Variants in PRTG observed in about 807,000 individuals in gnomAD.
The protein encoded by PRTG is immunoglobulin superfamily, DCC subclass, member 5.
In PRTG, 67 loss-of-function variants were observed where a neutral mutation model predicts 122.5. The observed-to-expected ratio is 0.55, with a 90% confidence interval of 0.45 to 0.67. The LOEUF is 0.67. Ranked by LOEUF, PRTG falls within the 30% of genes least tolerant of loss-of-function variation. The probability of loss-of-function intolerance (pLI) is 0.00; values close to 1 mark genes in which losing one functional copy is unlikely to be tolerated. For missense variants in PRTG, 1,435 were observed against 1,415.4 expected (o/e 1.01, Z -0.22); for synonymous variants, 554 against 501.1 (o/e 1.11, Z -1.41).
rs2031675026 is a variant in PRTG at position 55,743,108 on chromosome 15, G to A, written c.-177C>T. On this transcript the variant is annotated 5_prime_UTR_variant, in exon 1 of 20. Transcript: ENST00000389286. ...CGGCGAGGCTGGTGCTCGGACGGCCGCTCGCGAGAAGCAAGGGGCCTGAGA... is the reference window on the plus strand; with the variant it reads ...CGGCGAGGCTGGTGCTCGGACGGCCACTCGCGAGAAGCAAGGGGCCTGAGA... 1.3e-5 allele frequency: 16 copies of A among 1,277,534 alleles called. No individual in the cohort carries two copies. The South Asian group carries it at 2.4e-4, about 19-fold the overall frequency. 79.1% of individuals were successfully genotyped at this position (1,277,534 alleles called of 1,614,324 possible).
intron 2 of PRTG, among the ~76,000 whole-genome samples, chr15:55,718,993 C>T (rs1045259996): frequency 6.6e-6 from 1 of 152,146 alleles, no homozygotes; most frequent in African/African-American, 2.4e-5. Flanking sequence ...ACTCTGCCCA[C>T]CTCAGCCTCC....
chr15:55,708,259 G>A (rs1408032697), intron 2 of PRTG, among the ~76,000 whole-genome samples: 1 of 148,402 alleles, frequency 6.7e-6, no homozygotes, highest in Non-Finnish European at 1.5e-5. Context: ...ATCACAAGAA[G>A]AAATGAAGCA....
chr15:55,624,583 C>CAA (rs2059184943), intron 17 of PRTG, 76 bp from the exon 18 acceptor site: 1 of 1,266,338 alleles, frequency 7.9e-7, no homozygotes, highest in Admixed American at 2.5e-5. Context: ...GGCCTATCAA[C>CAA]AAAACTTTGT....
intron 3 of PRTG, among the ~76,000 whole-genome samples, chr15:55,682,803 T>C (rs1291051492): frequency 2.0e-5 from 3 of 152,088 alleles, no homozygotes; most frequent in African/African-American, 7.2e-5. Flanking sequence ...CCTCAAGTGA[T>C]CTGCCCGCCT....
intron 2 of PRTG, among the ~76,000 whole-genome samples, chr15:55,710,906 G>T (rs1036300277): frequency 2.0e-5 from 3 of 151,500 alleles, no homozygotes; most frequent in Admixed American, 6.6e-5. Flanking sequence ...GTGGTTTTTT[G>T]ATTTTTTTTG....
At chr15:55,738,000 CTCTATATATATA>C (rs1335595164) in intron 2 of PRTG, among the ~76,000 whole-genome samples, 1 of 66,948 alleles carries the variant, frequency 1.5e-5, no homozygotes, top group Non-Finnish European at 3.5e-5. Context: ...CTCTCTCTCT[CTCTATATATATA>C]TATATATATA....
chr15:55,727,600 A>G (rs781488255), intron 2 of PRTG, among the ~76,000 whole-genome samples: 5 of 152,166 alleles, frequency 3.3e-5, no homozygotes, highest in African/African-American at 4.8e-5. Context: ...ATTCGAGACC[A>G]GCCTAGCTAA....
At chr15:55,672,977 G>T (rs1379950424) in intron 10 of PRTG, among the ~76,000 whole-genome samples, 9 of 151,986 alleles carry the variant, frequency 5.9e-5, no homozygotes, top group Admixed American at 3.9e-4. Flanking sequence ...AAAACCAGTC[G>T]TGTTACATTC....
At position 55,742,877 on chromosome 15, in the gene PRTG, G is replaced by C; in HGVS notation, c.55C>G (p.Arg19Gly). Reference protein sequence around the residue: ...ARLRPPGMLLRALLLLLLLSP... With the variant: ...ARLRPPGMLLGALLLLLLLSP... The stretch of plus-strand genomic sequence containing the variant: ...AGCAGCAGCAGGAGCAGGAGCGCGC[G>C]GAGCAGCATCCCCGGCGGTCGCAGC... Residue 19 changes from arginine to glycine, a missense_variant, in exon 1 of 20, where the codon CGC (arginine) becomes GGC (glycine). Coordinates refer to ENST00000389286, the MANE Select transcript of PRTG (RefSeq NM_173814.6). 3 of 1,535,164 alleles carry C rather than the reference G, an allele frequency of 2.0e-6. No individual in the cohort carries two copies. The highest frequency in any genetic ancestry group is 2.6e-6 in the Non-Finnish European group (3 of 1,139,976).
At chr15:55,688,034 G>C (rs1213961777) in intron 2 of PRTG, among the ~76,000 whole-genome samples, 3 of 152,066 alleles carry the variant, frequency 2.0e-5, no homozygotes, top group African/African-American at 7.2e-5. Context: ...ACAAATAAAA[G>C]TGTTCCACTC....
intron 11 of PRTG, among the ~76,000 whole-genome samples, chr15:55,670,922 CACACACACACA>C (rs2059466626): frequency 1.5e-5 from 1 of 67,046 alleles, no homozygotes; most frequent in African/African-American, 3.9e-5. Flanking sequence ...CACACACACA[CACACACACACA>C]CACACACACA....
chr15:55,619,517 T>G lies in PRTG; in HGVS notation c.*495A>C, dbSNP rs2059154874. ...ACACAATACTACTAGGAAGTATCAT[T>G]GGTTATGTAGCTGAGATAAACTATA... is the stretch of plus-strand genomic sequence containing the variant. On this transcript the variant is annotated 3_prime_UTR_variant, in exon 20 of 20. Coordinates refer to ENST00000389286, the MANE Select transcript of PRTG (RefSeq NM_173814.6). 1 of 163,258 alleles carries G rather than the reference T, an allele frequency of 6.1e-6. No homozygotes were observed. The highest frequency in any genetic ancestry group is 5.8e-5 in the Admixed American group (1 of 17,226). The allele number at this position is 163,258 out of a possible 1,614,324, so 10.1% of individuals were successfully genotyped here. A position where few individuals can be genotyped will look rare whatever the true frequency, so the allele number is the denominator to read the frequency against.
intron 10 of PRTG, 128 bp downstream of exon 10, chr15:55,673,243 A>T: frequency 1.4e-6 from 1 of 716,648 alleles, no homozygotes; most frequent in Non-Finnish European, 2.2e-6. Context: ...TTTTTCAATT[A>T]AGTCCATCAT....
intron 11 of PRTG, among the ~76,000 whole-genome samples, chr15:55,644,623 A>T (rs1462136288): frequency 6.6e-6 from 1 of 152,140 alleles, no homozygotes; most frequent in Admixed American, 6.5e-5. Context: ...CTGCCCACTC[A>T]GGACAGACTC....
Position 55,615,075 on chromosome 15 carries a change from G to A in PRTG, c.*4937C>T, listed in dbSNP as rs1246748510. 1.3e-5 allele frequency: 2 copies of A among 152,128 alleles called. No individual in the cohort carries two copies. Among genetic ancestry groups the A allele is most frequent in the Admixed American group, 1.3e-4 (2 of 15,266 alleles). The allele number at this position is 152,128 out of a possible 1,614,324, so 9.4% of individuals were successfully genotyped here. A position where few individuals can be genotyped will look rare whatever the true frequency, so the allele number is the denominator to read the frequency against. On this transcript the variant is annotated 3_prime_UTR_variant, in exon 20 of 20. Transcript: ENST00000389286. The stretch of plus-strand genomic sequence containing the variant: ...ACCTAGATAACCTGTATCAGCTGGG[G>A]TTGGACAAAGAGAAATGATAACGGA...
chr15:55,661,668 C>CAAA (rs2059410429), intron 11 of PRTG, among the ~76,000 whole-genome samples: 5 of 152,230 alleles, frequency 3.3e-5, no homozygotes, highest in Non-Finnish European at 5.9e-5. Flanking sequence ...TACTCTTCTC[C>CAAA]ACATGAACTG....
chr15:55,674,106 A>C (rs2059488897), intron 9 of PRTG, among the ~76,000 whole-genome samples: 1 of 152,244 alleles, frequency 6.6e-6, no homozygotes, highest in Admixed American at 6.5e-5. Context: ...TTAAAAATTA[A>C]TGTGAATTTT....
intron 15 of PRTG, 118 bp downstream of exon 15, chr15:55,637,052 T>C (rs573221037): frequency 5.2e-5 from 47 of 902,190 alleles, no homozygotes; most frequent in Non-Finnish European, 7.1e-5. Context: ...CCAAAATCTT[T>C]TATTACTTCA....
chr15:55,645,297 G>T (rs1342761789), intron 11 of PRTG, among the ~76,000 whole-genome samples: 1 of 149,194 alleles, frequency 6.7e-6, no homozygotes. Flanking sequence ...AGCCGGGCAT[G>T]GTGGCGCGTG....
Sources: gnomAD v4.1 joint callset for allele counts (sites outside exome capture counted in the v4.1 genomes callset) on GRCh38, gnomAD v4.1.1 for gene constraint, MANE v1.5 for transcripts, NCBI Gene and HGNC (gene_info 2026-07-23, HGNC 2026-07-21) for gene names.